The following KAZN variants were observed in gnomAD, a reference collection of about 807,000 sequenced individuals.
KAZN encodes the protein kazrin.
KAZN carries 40 observed loss-of-function variants against 87.4 expected under a neutral mutation model. The observed-to-expected ratio is 0.46, with a 90% CI of 0.36 to 0.60. The LOEUF (loss-of-function observed/expected upper bound fraction) is 0.60. Among genes scored for constraint, KAZN ranks in the 20% least tolerant of loss-of-function variants. KAZN has a pLI of 0.00. For synonymous variants in KAZN, 466 were observed against 458.3 expected (o/e 1.02, Z -0.22); for missense variants, 898 against 1,073.9 (o/e 0.84, Z 2.29).
intron 5 of KAZN, among the ~76,000 whole-genome samples, chr1:15,057,265 G>T (rs745386009): frequency 1.3e-5 from 2 of 152,250 alleles, no homozygotes; most frequent in Non-Finnish European, 2.9e-5. Context: ...CTAGGCCAGG[G>T]TCCTCAGTTT....
chr1:13,926,787 G>A (rs1181983231), intron 1 of KAZN, among the ~76,000 whole-genome samples: 1 of 152,072 alleles, frequency 6.6e-6, no homozygotes, highest in Non-Finnish European at 1.5e-5. Flanking sequence ...TGATACTGGG[G>A]TGACAGTTAA....
At chr1:14,687,343 A>G (rs922472748) in intron 1 of KAZN, among the ~76,000 whole-genome samples, 5 of 152,308 alleles carry the variant, frequency 3.3e-5, no homozygotes, top group Admixed American at 1.3e-4. Context: ...TGACGTCAAC[A>G]AGCATTGGTC....
intron 2 of KAZN, among the ~76,000 whole-genome samples, chr1:14,463,847 T>C (rs576853779): frequency 1.3e-5 from 2 of 152,306 alleles, no homozygotes; most frequent in South Asian, 2.1e-4. Context: ...AATGAAGCCC[T>C]GGTGTGGAGT....
chr1:14,972,593 GCAA>G (rs1665178929), intron 2 of KAZN, among the ~76,000 whole-genome samples: 1 of 151,068 alleles, frequency 6.6e-6, no homozygotes, highest in Non-Finnish European at 1.5e-5. Flanking sequence ...TCAGCTCACT[GCAA>G]CCCTGCCTCC....
At chr1:15,045,585 G>A (rs1190140264) in intron 4 of KAZN, among the ~76,000 whole-genome samples, 1 of 152,176 alleles carries the variant, frequency 6.6e-6, no homozygotes, top group African/African-American at 2.4e-5. Flanking sequence ...TCACTGTGTC[G>A]TGTACTGTCT....
intron 2 of KAZN, among the ~76,000 whole-genome samples, chr1:14,449,171 G>C (rs79830815): frequency 1.3e-5 from 2 of 152,300 alleles, no homozygotes; most frequent in African/African-American, 4.8e-5. Flanking sequence ...GATGGCTTCA[G>C]TAATGCCTGA....
chr1:14,259,444 G>T (rs771153585), intron 2 of KAZN, among the ~76,000 whole-genome samples: 7 of 152,096 alleles, frequency 4.6e-5, no homozygotes, highest in Non-Finnish European at 8.8e-5. Flanking sequence ...CCAAACATCA[G>T]CACCAAGACC....
At chr1:14,132,283 C>T (rs994845150) in intron 1 of KAZN, among the ~76,000 whole-genome samples, 4 of 152,190 alleles carry the variant, frequency 2.6e-5, no homozygotes, top group Non-Finnish European at 5.9e-5. Flanking sequence ...ATGGGATGTG[C>T]TAGGGTCAGG....
intron 1 of KAZN, among the ~76,000 whole-genome samples, chr1:13,972,522 G>A (rs1161462641): frequency 6.6e-6 from 1 of 152,102 alleles, no homozygotes; most frequent in East Asian, 1.9e-4. Flanking sequence ...TCTATCCAGA[G>A]CTCTATGATC....
rs554891946 is a variant in KAZN at position 14,433,538 on chromosome 1, T to C, written c.250-165445T>C. On this transcript the variant is annotated intron_variant, in intron 2 of 16. Coordinates refer to the KAZN transcript ENST00000636203. ...AGAGGAAGTCACGAGGGAGGGGCTG[T>C]TGTAATGGAATTAGTGCTCTTCTAA... 2.0e-5 allele frequency among the ~76,000 whole-genome samples: 3 copies of C among 152,266 alleles called. No homozygotes were observed. The East Asian group carries it at 5.8e-4, about 29-fold the overall frequency.
intron 1 of KAZN, among the ~76,000 whole-genome samples, chr1:14,026,951 G>A (rs2101299518): frequency 6.6e-6 from 1 of 152,190 alleles, no homozygotes; most frequent in Middle Eastern, 3.4e-3. Flanking sequence ...CTGGAGGAGA[G>A]ACAGGTGAAG....
intron 1 of KAZN, among the ~76,000 whole-genome samples, chr1:14,776,506 A>G (rs1157361431): frequency 6.6e-6 from 1 of 151,950 alleles, no homozygotes; most frequent in African/African-American, 2.4e-5. Context: ...TCCTTCAAAT[A>G]CCTCTTCTTC....
At chr1:14,937,772 C>T (rs563283546) in intron 1 of KAZN, among the ~76,000 whole-genome samples, 1 of 152,342 alleles carries the variant, frequency 6.6e-6, no homozygotes, top group East Asian at 1.9e-4. Context: ...CTCAGTCTTC[C>T]CAGTGGGAGT....
chr1:14,665,846 C>A (rs12073635), intron 1 of KAZN, among the ~76,000 whole-genome samples: 3 of 150,116 alleles, frequency 2.0e-5, no homozygotes. Context: ...AGCCCCTCCC[C>A]ACTAAAGGCT....
chr1:14,345,249 G>A (rs1374455082), intron 2 of KAZN, among the ~76,000 whole-genome samples: 1 of 152,166 alleles, frequency 6.6e-6, no homozygotes, highest in Non-Finnish European at 1.5e-5. Context: ...GTTATCTGCA[G>A]AGGCGTAAAC....
intron 2 of KAZN, among the ~76,000 whole-genome samples, chr1:14,231,808 CATTT>C (rs1326456120): frequency 6.6e-6 from 1 of 152,164 alleles, no homozygotes; most frequent in Non-Finnish European, 1.5e-5. Flanking sequence ...GTACAGCAAA[CATTT>C]ATTTCTCATT....
intron 2 of KAZN, among the ~76,000 whole-genome samples, chr1:14,343,755 T>G (rs1657906328): frequency 6.6e-6 from 1 of 152,248 alleles, no homozygotes; most frequent in South Asian, 2.1e-4. Context: ...TTAATTCCTC[T>G]GCTAATTAGT....
chr1:14,717,167 A>G (rs1176044515), intron 1 of KAZN, among the ~76,000 whole-genome samples: 1 of 150,738 alleles, frequency 6.6e-6, no homozygotes, highest in Non-Finnish European at 1.5e-5. Flanking sequence ...ATTGTCTCAT[A>G]ACCTCCCACT....
At chr1:14,039,276 G>A (rs895886527) in intron 1 of KAZN, among the ~76,000 whole-genome samples, 1 of 152,000 alleles carries the variant, frequency 6.6e-6, no homozygotes, top group Non-Finnish European at 1.5e-5. Flanking sequence ...GTAAATTGCA[G>A]AGCCAAGACT....
Sources: gnomAD v4.1 joint callset for allele counts (sites outside exome capture counted in the v4.1 genomes callset) on GRCh38, gnomAD v4.1.1 for gene constraint, MANE v1.5 for transcripts, NCBI Gene and HGNC (gene_info 2026-07-23, HGNC 2026-07-21) for gene names.